CSMD2: variants seen among roughly 807,000 people sequenced by gnomAD.
CSMD2 encodes the protein CUB and Sushi multiple domains 2, also known as CUB and sushi domain-containing protein 2.
A neutral mutation model predicts 398.5 loss-of-function variants in CSMD2; 130 were observed. The ratio of observed to expected loss-of-function variants is 0.33; its 90% CI spans 0.28 to 0.38. The LOEUF (loss-of-function observed/expected upper bound fraction) is 0.38. Among genes scored for constraint, CSMD2 ranks in the 10% least tolerant of loss-of-function variants. CSMD2 has a pLI of 1.00. For synonymous variants in CSMD2, 1,828 were observed against 1,908.5 expected, an observed-to-expected ratio of 0.96 and a Z score of 1.10; for missense variants, 3,829 against 4,764.9, an observed-to-expected ratio of 0.80 and a Z score of 5.78.
In CSMD2 at chr1:33,537,576, C is replaced by T. The variant is rs78637376; in HGVS notation, c.9665G>A (p.Arg3222His). 3.4e-4 allele frequency: 556 copies of T among 1,613,994 alleles called. 1 individual carries two copies. The East Asian group carries it at 9.8e-3, about 28-fold the overall frequency. The change falls in exon 61 of 71, where the codon CGT becomes CAT. Residue 3222 changes from arginine (R) to histidine (H), a missense_variant. Physicochemically the swap from Arg to His is conservative, Grantham distance 29 (BLOSUM62 0). Around this residue, in one of 5 missense-constraint regions of CSMD2, gnomAD observed 917 missense variants for 1,199.5 expected, o/e 0.76. Transcript: ENST00000373381. This position sits in a 1 kb window ranked among gnomAD's most constrained non-coding sequence, Gnocchi z 4.6. Reference sequence around the variant, plus strand: ...GAAGCCTCGGTCCTCTCTCCTCCCACGGGACGGGACACCAGGATCCCCGCA... The same window carrying T: ...GAAGCCTCGGTCCTCTCTCCTCCCATGGGACGGGACACCAGGATCCCCGCA... ...VFCGDPGVPSRGRREDRGFSY... is the reference protein window; with the variant it reads ...VFCGDPGVPSHGRREDRGFSY...
intron 4 of CSMD2, among the ~76,000 whole-genome samples, chr1:33,923,121 A>T (rs1644005870): frequency 6.6e-6 from 1 of 152,064 alleles, no homozygotes; most frequent in Non-Finnish European, 1.5e-5. Flanking sequence ...GTACATTTTT[A>T]TGGGGTATGC....
At chr1:33,544,831 T>TTATATATA (rs56072818) in intron 57 of CSMD2, among the ~76,000 whole-genome samples, 2,208 of 141,916 alleles carry the variant, frequency 0.016, 52 homozygotes, top group African/African-American at 0.053. Flanking sequence ...CACTGTGCAT[T>TTATATATA]TATATATATA....
intron 40 of CSMD2, among the ~76,000 whole-genome samples, chr1:33,613,589 C>T (rs980132276): frequency 2.2e-4 from 33 of 152,280 alleles, no homozygotes; most frequent in Middle Eastern, 3.4e-3. Flanking sequence ...TGCTTTCTCC[C>T]AAAAGCCCCT....
chr1:33,863,457 C>A (rs1238774306), intron 5 of CSMD2: 2 of 152,166 alleles, frequency 1.3e-5, no homozygotes, highest in Non-Finnish European at 2.9e-5. Context: ...TCAAGGTTCT[C>A]CCCCCTCTTT....
At chr1:33,747,753 C>T (rs991314224) in intron 13 of CSMD2, among the ~76,000 whole-genome samples, 16 of 152,224 alleles carry the variant, frequency 1.1e-4, no homozygotes, top group African/African-American at 3.6e-4. Context: ...AAGGAATGGG[C>T]CAAGATAGCT....
chr1:33,586,705 C>A (rs12727575), intron 45 of CSMD2, 88 bp from the exon 46 acceptor site: 14 of 817,356 alleles, frequency 1.7e-5, no homozygotes, highest in Non-Finnish European at 3.0e-5. Flanking sequence ...TAATCAGAGG[C>A]GGGTCATGTT....
At position 33,514,752 on chromosome 1, in the gene CSMD2, GC is replaced by G. The variant is rs530042126; in HGVS notation, c.*1871del. Reference sequence around the variant, plus strand: ...TGAGAGTGTGAGTGTGTCTGGATTGGCCCTCTCCCTCCAGGCCCAGGGGGGT... The same window carrying G: ...TGAGAGTGTGAGTGTGTCTGGATTGGCCTCTCCCTCCAGGCCCAGGGGGGT... On this transcript the variant is annotated 3_prime_UTR_variant, in exon 71 of 71. Transcript: ENST00000373381. 1.8e-4 allele frequency: 27 copies of G among 152,388 alleles called. No homozygotes were observed. The highest frequency in any genetic ancestry group is 6.5e-4 in the African/African-American group (27 of 41,508). The allele number at this position is 152,388 out of a possible 1,614,324, so 9.4% of individuals were successfully genotyped here.
chr1:33,550,073 G>T, intron 56 of CSMD2, 104 bp downstream of exon 56: 1 of 1,203,128 alleles, frequency 8.3e-7, no homozygotes, highest in Non-Finnish European at 1.2e-6. Context: ...TCTGAGGTCT[G>T]ATTCCCTCCC....
intron 3 of CSMD2, among the ~76,000 whole-genome samples, chr1:33,995,558 C>T (rs1221237446): frequency 6.6e-6 from 1 of 152,174 alleles, no homozygotes; most frequent in Non-Finnish European, 1.5e-5. Context: ...AGACCCAGGG[C>T]TTGTGCAAAA....
chr1:33,999,748 C>T lies in CSMD2; in HGVS notation c.517+32846G>A, dbSNP rs924163824. Among the ~76,000 whole-genome samples the T allele has an allele frequency of 2.3e-4, 35 of 152,206 alleles. 1 individual carries two copies. The highest frequency in any genetic ancestry group is 7.9e-4 in the African/African-American group (33 of 41,526). On this transcript the variant is annotated intron_variant, in intron 3 of 70. Coordinates refer to ENST00000373381, the MANE Select transcript of CSMD2 (RefSeq NM_001281956.2). ...CCTTGAACCTCTCTAAGGCTTTTCC[C>T]CAGTTCTTTAAAATATGATGAGGAT... is the stretch of plus-strand genomic sequence containing the variant.
intron 10 of CSMD2, among the ~76,000 whole-genome samples, chr1:33,793,114 G>A (rs543679312): frequency 6.6e-6 from 1 of 152,330 alleles, no homozygotes; most frequent in African/African-American, 2.4e-5. Flanking sequence ...AGCATGACAT[G>A]GTATCTGCCC....
At chr1:33,980,642 T>A (rs531211600) in intron 3 of CSMD2, among the ~76,000 whole-genome samples, 48 of 152,280 alleles carry the variant, frequency 3.2e-4, no homozygotes, top group African/African-American at 1.1e-3. Context: ...CTTCCATCCA[T>A]CTCATATTTA....
At chr1:33,968,787 A>G (rs936073318) in intron 3 of CSMD2, among the ~76,000 whole-genome samples, 2 of 152,174 alleles carry the variant, frequency 1.3e-5, no homozygotes, top group Non-Finnish European at 2.9e-5. Context: ...GAGAATGTAC[A>G]TGTGTTATTT....
At chr1:33,844,274 G>A (rs1274329904) in intron 6 of CSMD2, among the ~76,000 whole-genome samples, 1 of 127,902 alleles carries the variant, frequency 7.8e-6, no homozygotes, top group Non-Finnish European at 1.7e-5. Flanking sequence ...TGGTTGTCAT[G>A]ACTGTGTGTG....
intron 3 of CSMD2, among the ~76,000 whole-genome samples, chr1:33,949,056 T>C (rs1271765089): frequency 6.6e-6 from 1 of 152,132 alleles, no homozygotes; most frequent in South Asian, 2.1e-4. Context: ...GGGTTCATGG[T>C]CAAACCCCAG....
chr1:33,628,039 C>A (rs533180992), intron 32 of CSMD2, among the ~76,000 whole-genome samples: 2 of 152,240 alleles, frequency 1.3e-5, no homozygotes, highest in Non-Finnish European at 2.9e-5. Context: ...TTATGTGAAC[C>A]ACAACAAAGA....
chr1:33,680,068 C>T (rs1371279205), intron 25 of CSMD2, among the ~76,000 whole-genome samples: 3 of 151,550 alleles, frequency 2.0e-5, no homozygotes, highest in Non-Finnish European at 4.4e-5. Flanking sequence ...CTACAGGTGC[C>T]CGCCACCACG....
At chr1:34,034,226 C>T (rs1032220556) in intron 2 of CSMD2, among the ~76,000 whole-genome samples, 1 of 152,092 alleles carries the variant, frequency 6.6e-6, no homozygotes, top group Non-Finnish European at 1.5e-5. Flanking sequence ...GGGAGCTGTC[C>T]ATGGCATGGA....
chr1:33,549,450 T>C (rs1043406162), intron 56 of CSMD2, among the ~76,000 whole-genome samples: 8 of 152,248 alleles, frequency 5.3e-5, no homozygotes, highest in African/African-American at 1.9e-4. Flanking sequence ...TTTCTGCTAT[T>C]GGCAGGACAA....
Sources: allele counts gnomAD v4.1 joint callset (sites outside exome capture counted in the v4.1 genomes callset), GRCh38; gene constraint gnomAD v4.1.1; regional missense constraint gnomAD v4.1.1; non-coding constraint Gnocchi (gnomAD v3.1); transcripts MANE v1.5; gene names NCBI Gene and HGNC (gene_info 2026-07-23, HGNC 2026-07-21).